Variants in PHLDB2 observed in about 807,000 individuals in gnomAD.
PHLDB2 encodes pleckstrin homology-like domain family B member 2.
In PHLDB2, 71 loss-of-function variants were observed where a neutral mutation model predicts 123.6. That is an observed-to-expected ratio of 0.57 (90% CI 0.47 to 0.70). The LOEUF (loss-of-function observed/expected upper bound fraction) is 0.70, where lower values mean the gene tolerates loss of function less well. Among genes scored for constraint, PHLDB2 ranks in the 30% least tolerant of loss-of-function variants. PHLDB2 has a pLI of 0.00. For synonymous variants in PHLDB2, 547 were observed against 541.6 expected (o/e 1.01, Z -0.14); for missense variants, 1,446 against 1,519.5 (o/e 0.95, Z 0.80).
intron 2 of PHLDB2, among the ~76,000 whole-genome samples, chr3:111,893,039 A>G (rs1326413051): frequency 1.3e-5 from 2 of 151,864 alleles, no homozygotes; most frequent in Admixed American, 6.6e-5. Context: ...CCACATGTAG[A>G]TTTTTGCTTC....
chr3:111,874,046 G>C (rs751368095), intron 1 of PHLDB2, among the ~76,000 whole-genome samples: 6 of 152,164 alleles, frequency 3.9e-5, no homozygotes, highest in Admixed American at 2.0e-4. Flanking sequence ...AATTCTATCA[G>C]AGATAGGATG....
At chr3:111,929,680 C>T (rs906561206) in intron 5 of PHLDB2, among the ~76,000 whole-genome samples, 1 of 152,072 alleles carries the variant, frequency 6.6e-6, no homozygotes, top group Middle Eastern at 3.2e-3. Context: ...ATAGCCAGGC[C>T]CACCTGCCAC....
chr3:111,753,534 A>C (rs1222992075), intron 1 of PHLDB2, among the ~76,000 whole-genome samples: 1 of 151,284 alleles, frequency 6.6e-6, no homozygotes, highest in Non-Finnish European at 1.5e-5. Context: ...AGTTCATTGT[A>C]GATTCTGGAT....
intron 1 of PHLDB2, among the ~76,000 whole-genome samples, chr3:111,786,668 C>T (rs1251481768): frequency 6.6e-6 from 1 of 152,116 alleles, no homozygotes; most frequent in Non-Finnish European, 1.5e-5. Flanking sequence ...AGCCCAGGCC[C>T]TCCCACCCAA....
At chr3:111,842,711 C>T (rs2063748208) in intron 1 of PHLDB2, among the ~76,000 whole-genome samples, 1 of 152,032 alleles carries the variant, frequency 6.6e-6, no homozygotes, top group East Asian at 1.9e-4. Context: ...GAATATTTTC[C>T]TCTCAAAAGA....
intron 1 of PHLDB2, among the ~76,000 whole-genome samples, chr3:111,774,242 G>A (rs1315062862): frequency 6.6e-6 from 1 of 152,178 alleles, no homozygotes; most frequent in Non-Finnish European, 1.5e-5. Flanking sequence ...GGCTGTGAGA[G>A]GTATCTGGGT....
intron 1 of PHLDB2, among the ~76,000 whole-genome samples, chr3:111,829,452 CT>C (rs1178556244): frequency 7.9e-5 from 10 of 126,418 alleles, no homozygotes; most frequent in Non-Finnish European, 1.4e-4. Context: ...TTTTCTTTTT[CT>C]TTTTCTTTTT....
At chr3:111,858,005 G>C (rs184432075), upstream of PHLDB2, among the ~76,000 whole-genome samples, 1 of 152,146 alleles carries the variant, frequency 6.6e-6, no homozygotes, top group African/African-American at 2.4e-5. Context: ...ACATACAAAC[G>C]TATGTTTATT....
chr3:111,972,669 A>G (rs2107697359), intron 16 of PHLDB2, among the ~76,000 whole-genome samples: 1 of 151,920 alleles, frequency 6.6e-6, no homozygotes, highest in East Asian at 1.9e-4. Context: ...ATATAATAGT[A>G]TTTCAAGGGT....
chr3:111,752,840 C>G (rs373971006), intron 1 of PHLDB2, among the ~76,000 whole-genome samples: 1 of 151,410 alleles, frequency 6.6e-6, no homozygotes, highest in Non-Finnish European at 1.5e-5. Context: ...GATGTTCCCC[C>G]TCCTGTGTCC....
At chr3:111,780,163 T>C (rs572190386) in intron 1 of PHLDB2, among the ~76,000 whole-genome samples, 17 of 150,574 alleles carry the variant, frequency 1.1e-4, no homozygotes, top group African/African-American at 3.9e-4. Context: ...TGCAACCACA[T>C]TGAGAGGTGA....
intron 1 of PHLDB2, among the ~76,000 whole-genome samples, chr3:111,874,067 G>A (rs1188576547): frequency 6.6e-6 from 1 of 152,174 alleles, no homozygotes; most frequent in Non-Finnish European, 1.5e-5. Context: ...TTTGTTGGAT[G>A]TACCAGTGGT....
intron 2 of PHLDB2, among the ~76,000 whole-genome samples, chr3:111,848,038 G>A (rs770882211): frequency 6.6e-6 from 1 of 152,058 alleles, no homozygotes. Flanking sequence ...GACATGTTAC[G>A]TCTGCTGTGC....
At chr3:111,941,928 A>G (rs948863137) in intron 8 of PHLDB2, among the ~76,000 whole-genome samples, 4 of 152,202 alleles carry the variant, frequency 2.6e-5, no homozygotes, top group Non-Finnish European at 2.9e-5. Flanking sequence ...GACAACTTCC[A>G]TCTTCCTCTT....
chr3:111,838,358 G>A (rs765464087), intron 1 of PHLDB2, among the ~76,000 whole-genome samples: 39 of 152,046 alleles, frequency 2.6e-4, no homozygotes, highest in Middle Eastern at 3.4e-3. Context: ...CAACCTAGAA[G>A]AGGAATTTGA....
At chr3:111,946,107 C>T (rs142303498) in intron 9 of PHLDB2, among the ~76,000 whole-genome samples, 9,038 of 152,160 alleles carry the variant, frequency 0.059, 880 homozygotes, top group African/African-American at 0.2. Flanking sequence ...CTGCAACCTC[C>T]GCTTCCTGGG....
chr3:111,795,701 AT>A (rs1428817644), intron 1 of PHLDB2, among the ~76,000 whole-genome samples: 1 of 152,096 alleles, frequency 6.6e-6, no homozygotes, highest in African/African-American at 2.4e-5. Flanking sequence ...CCTAGTTTTC[AT>A]AAGTAAAGAC....
chr3:111,852,282 GCT>G (rs769771127), intron 2 of PHLDB2, among the ~76,000 whole-genome samples: 1 of 145,570 alleles, frequency 6.9e-6, no homozygotes, highest in African/African-American at 2.5e-5. Flanking sequence ...TCTCTCTCTC[GCT>G]CTCTCTCTCT....
In PHLDB2 at chr3:111,781,584, T is replaced by C. The variant is rs146623566; in HGVS notation, c.-49+48881T>C. Among the ~76,000 whole-genome samples the C allele has an allele frequency of 1.6e-3, 241 of 152,244 alleles. 1 individual carries two copies. Among genetic ancestry groups the C allele is most frequent in the African/African-American group, 5.5e-3 (230 of 41,554 alleles). On this transcript the variant is annotated intron_variant, in intron 1 of 17. Coordinates refer to the PHLDB2 transcript ENST00000393923. The stretch of plus-strand genomic sequence containing the variant: ...AGGATTCTTTGTTCTACCTTCTAAA[T>C]AATTGTGTCAAGTTACAATTAATTT...
Sources: allele counts gnomAD v4.1 joint callset (sites outside exome capture counted in the v4.1 genomes callset), GRCh38; gene constraint gnomAD v4.1.1; transcripts MANE v1.5; gene names NCBI Gene and HGNC (gene_info 2026-07-23, HGNC 2026-07-21).